Variants in GALNTL6 observed in about 807,000 individuals in gnomAD.
GALNTL6 encodes polypeptide N-acetylgalactosaminyltransferase like 6.
A neutral mutation model predicts 73.7 loss-of-function variants in GALNTL6; 46 were observed. That is an observed-to-expected ratio of 0.62 (90% CI 0.49 to 0.80). GALNTL6 has a LOEUF of 0.80. Among genes scored for constraint, GALNTL6 ranks in the 30% least tolerant of loss-of-function variants. The probability of loss-of-function intolerance (pLI) is 0.00; values close to 1 mark genes in which losing one functional copy is unlikely to be tolerated. For missense variants in GALNTL6, 604 were observed against 755.0 expected (o/e 0.80, Z 2.34); for synonymous variants, 259 against 263.7 (o/e 0.98, Z 0.17).
intron 3 of GALNTL6, among the ~76,000 whole-genome samples, chr4:172,234,883 A>T (rs1202234607): frequency 1.3e-5 from 2 of 152,034 alleles, no homozygotes; most frequent in Non-Finnish European, 2.9e-5. Context: ...TTCTTTAGTG[A>T]TCATTATGGA....
intron 5 of GALNTL6, among the ~76,000 whole-genome samples, chr4:172,658,993 A>C (rs572382349): frequency 1.3e-4 from 20 of 152,212 alleles, no homozygotes; most frequent in Admixed American, 1.1e-3. Flanking sequence ...AAAAGCATAA[A>C]CTGCTTATTG....
intron 2 of GALNTL6, among the ~76,000 whole-genome samples, chr4:172,074,176 A>G (rs1731634689): frequency 6.6e-6 from 1 of 152,226 alleles, no homozygotes; most frequent in South Asian, 2.1e-4. Context: ...ACATTTGTTG[A>G]CAACTAATTG....
intron 2 of GALNTL6, among the ~76,000 whole-genome samples, chr4:172,211,020 G>C (rs184952602): frequency 1.3e-5 from 2 of 152,154 alleles, no homozygotes; most frequent in African/African-American, 4.8e-5. Flanking sequence ...AGCTCTTTCA[G>C]TTGGCTCTTG....
intron 5 of GALNTL6, among the ~76,000 whole-genome samples, chr4:172,407,079 A>G (rs1198636504): frequency 2.0e-5 from 3 of 151,970 alleles, no homozygotes; most frequent in Non-Finnish European, 2.9e-5. Context: ...TTACAGCAAA[A>G]TTTATAGGGT....
chr4:173,019,942 A>G (rs1469285832), intron 11 of GALNTL6, among the ~76,000 whole-genome samples: 1 of 152,246 alleles, frequency 6.6e-6, no homozygotes, highest in Non-Finnish European at 1.5e-5. Flanking sequence ...GGGCCTGGTC[A>G]GTGCATAGTG....
At chr4:173,022,023 G>A (rs1753011502) in intron 12 of GALNTL6, among the ~76,000 whole-genome samples, 1 of 131,438 alleles carries the variant, frequency 7.6e-6, no homozygotes, top group Non-Finnish European at 1.6e-5. Flanking sequence ...GAAAAGGAAG[G>A]AAGGAAAGAA....
At chr4:172,192,575 G>C (rs894674414) in intron 2 of GALNTL6, among the ~76,000 whole-genome samples, 1 of 152,032 alleles carries the variant, frequency 6.6e-6, no homozygotes, top group Admixed American at 6.6e-5. Context: ...GAGCTGCACG[G>C]GGCAAAGGGA....
intron 5 of GALNTL6, among the ~76,000 whole-genome samples, chr4:172,354,057 TA>T (rs1181149838): frequency 6.6e-6 from 1 of 152,134 alleles, no homozygotes; most frequent in African/African-American, 2.4e-5. Flanking sequence ...AGAAGAATGG[TA>T]GTGCCTTTTT....
chr4:172,977,248 C>T (rs1697599317), intron 10 of GALNTL6, among the ~76,000 whole-genome samples: 1 of 152,218 alleles, frequency 6.6e-6, no homozygotes, highest in Admixed American at 6.5e-5. Context: ...AAGCATCATA[C>T]CTTCAGCTCC....
chr4:171,901,878 T>C (rs113779268), intron 2 of GALNTL6, among the ~76,000 whole-genome samples: 86 of 152,184 alleles, frequency 5.7e-4, no homozygotes, highest in African/African-American at 2.0e-3. Flanking sequence ...AATATTATAG[T>C]TAATTTTATA....
chr4:172,721,967 C>T (rs1244979899), intron 5 of GALNTL6, among the ~76,000 whole-genome samples: 2 of 146,734 alleles, frequency 1.4e-5, no homozygotes, highest in Non-Finnish European at 3.0e-5. Flanking sequence ...ACAAATATTG[C>T]AATGGAGGTG....
chr4:171,931,430 G>C (rs563322512), intron 2 of GALNTL6, among the ~76,000 whole-genome samples: 1 of 152,090 alleles, frequency 6.6e-6, no homozygotes, highest in Non-Finnish European at 1.5e-5. Flanking sequence ...AGTATCCCAG[G>C]ACATTCTTGT....
At chr4:171,910,776 T>C (rs1240684341) in intron 2 of GALNTL6, among the ~76,000 whole-genome samples, 1 of 152,180 alleles carries the variant, frequency 6.6e-6, no homozygotes, top group Non-Finnish European at 1.5e-5. Flanking sequence ...TTAGATAATA[T>C]AATCATGTTT....
Position 172,647,322 on chromosome 4 carries a change from G to A in GALNTL6, c.554-162039G>A, listed in dbSNP as rs578226068. ...CCCAAAAGGTAATATGGAGGACACA[G>A]CTCAGGCCTCGACTCATCAGTCTTC... On this transcript the variant is annotated intron_variant, in intron 5 of 12. Coordinates refer to ENST00000506823, the MANE Select transcript of GALNTL6 (RefSeq NM_001034845.3). 2.1e-4 allele frequency among the ~76,000 whole-genome samples: 32 copies of A among 152,174 alleles called. No individual in the cohort carries two copies. In the South Asian group the frequency reaches 5.2e-3, roughly 25 times the overall value.
intron 2 of GALNTL6, among the ~76,000 whole-genome samples, chr4:172,028,457 A>G (rs1219939572): frequency 6.6e-6 from 1 of 152,126 alleles, no homozygotes; most frequent in African/African-American, 2.4e-5. Context: ...ACAATTTTAT[A>G]CAAATTCTGA....
chr4:173,004,280 C>T (rs1752176118), intron 10 of GALNTL6, among the ~76,000 whole-genome samples: 1 of 152,150 alleles, frequency 6.6e-6, no homozygotes, highest in African/African-American at 2.4e-5. Flanking sequence ...TCTGTGTTAC[C>T]CTAGTGTCTT....
rs563833261 is a variant in GALNTL6 at position 172,895,406 on chromosome 4, T to A, written c.1041+12499T>A. On this transcript the variant is annotated intron_variant, in intron 8 of 12. Transcript: ENST00000506823. Reference sequence around the variant, plus strand: ...TTGTTATATATATATATATATATTTTTTTTTTGCTTTCAGCACTCTGAATC... The same window carrying A: ...TTGTTATATATATATATATATATTTATTTTTTGCTTTCAGCACTCTGAATC... Among the ~76,000 whole-genome samples, 458 of 149,870 alleles carry A rather than the reference T, an allele frequency of 3.1e-3. 4 individuals carry two copies. Among genetic ancestry groups the A allele is most frequent in the African/African-American group, 7.2e-3 (296 of 41,296 alleles).
At chr4:172,874,258 G>C (rs1745081190) in intron 7 of GALNTL6, among the ~76,000 whole-genome samples, 2 of 152,188 alleles carry the variant, frequency 1.3e-5, no homozygotes, top group African/African-American at 4.8e-5. Context: ...AGAGATAAGA[G>C]CCTGGACTAA....
chr4:172,830,822 G>C (rs1742584824), intron 7 of GALNTL6, among the ~76,000 whole-genome samples: 1 of 152,134 alleles, frequency 6.6e-6, no homozygotes, highest in South Asian at 2.1e-4. Context: ...AAAGGTATGT[G>C]GAGATAAATG....
Sources: gnomAD v4.1 joint callset for allele counts (sites outside exome capture counted in the v4.1 genomes callset) on GRCh38, gnomAD v4.1.1 for gene constraint, MANE v1.5 for transcripts, NCBI Gene and HGNC (gene_info 2026-07-23, HGNC 2026-07-21) for gene names.